STK33: variants seen among roughly 807,000 people sequenced by gnomAD.
The protein encoded by STK33 is serine/threonine kinase 33.
A neutral mutation model predicts 58.0 loss-of-function variants in STK33; 52 were observed. The observed-to-expected ratio is 0.90, with a 90% CI of 0.72 to 1.13. The LOEUF (loss-of-function observed/expected upper bound fraction) is 1.13, where lower values mean the gene tolerates loss of function less well. STK33 is among the 50% of genes most tolerant of loss of function. The pLI is 0.00. For missense variants in STK33, 630 were observed against 604.2 expected (o/e 1.04, Z -0.45); for synonymous variants, 215 against 200.1 (o/e 1.07, Z -0.63).
chr11:8,531,236 T>C (rs994817864), intron 1 of STK33, among the ~76,000 whole-genome samples: 1 of 152,194 alleles, frequency 6.6e-6, no homozygotes, highest in Non-Finnish European at 1.5e-5. Context: ...GAGAAAAATA[T>C]ATAAATGATT....
intron 11 of STK33, among the ~76,000 whole-genome samples, chr11:8,448,370 T>C (rs1945797768): frequency 1.3e-5 from 2 of 152,168 alleles, no homozygotes; most frequent in Non-Finnish European, 2.9e-5. Flanking sequence ...TCACGCTACC[T>C]GACTTCAAAC....
intron 14 of STK33, among the ~76,000 whole-genome samples, chr11:8,428,618 C>T (rs1251110139): frequency 6.6e-6 from 1 of 152,184 alleles, no homozygotes; most frequent in Non-Finnish European, 1.5e-5. Flanking sequence ...AACTGCATGA[C>T]ACTACTATGT....
intron 1 of STK33, among the ~76,000 whole-genome samples, chr11:8,511,898 CATCT>C (rs1264604548): frequency 6.6e-6 from 1 of 152,052 alleles, no homozygotes; most frequent in East Asian, 1.9e-4. Context: ...AAGATTTTTG[CATCT>C]ATCAAAACAG....
In STK33 at chr11:8,407,271, G is replaced by A. The variant is rs192366716; in HGVS notation, c.1344+6224C>T. On this transcript the variant is annotated intron_variant, in intron 15 of 15. Transcript: ENST00000687296. The stretch of plus-strand genomic sequence containing the variant: ...TGCTAATATCATTTGAAATTTTTAC[G>A]TCTATAATTTATGAGAGATATTGGC... 1.1e-3 allele frequency among the ~76,000 whole-genome samples: 173 copies of A among 151,852 alleles called. 2 individuals are homozygous for A. Among genetic ancestry groups the A allele is most frequent in the South Asian group, 0.011 (53 of 4,818 alleles).
chr11:8,470,388 G>T (rs1218990776), intron 6 of STK33, among the ~76,000 whole-genome samples: 1 of 152,158 alleles, frequency 6.6e-6, no homozygotes, highest in African/African-American at 2.4e-5. Context: ...CCTTGCTCTG[G>T]ATTAGGCTTT....
chr11:8,366,304 G>A, the STK33 span, among the ~76,000 whole-genome samples: 50 of 152,310 alleles, frequency 3.3e-4, no homozygotes, highest in Non-Finnish European at 6.8e-4. Context: ...TGCAGCCCAG[G>A]CCCTCTCCTT....
intron 1 of STK33, among the ~76,000 whole-genome samples, chr11:8,573,434 A>G (rs1957960741): frequency 6.6e-6 from 1 of 152,202 alleles, no homozygotes; most frequent in African/African-American, 2.4e-5. Context: ...GCAATACCAA[A>G]TGCTGGTGAT....
intron 1 of STK33, among the ~76,000 whole-genome samples, chr11:8,492,495 A>C (rs1413599341): frequency 6.6e-6 from 1 of 152,142 alleles, no homozygotes; most frequent in African/African-American, 2.4e-5. Flanking sequence ...CACAATAATA[A>C]CAGAAGACTA....
chr11:8,372,215 G>A, the STK33 span, among the ~76,000 whole-genome samples: 2 of 152,190 alleles, frequency 1.3e-5, no homozygotes, highest in South Asian at 4.1e-4. Context: ...AGAGCAGACT[G>A]CCCTATAAGC....
the STK33 span, among the ~76,000 whole-genome samples, chr11:8,343,273 C>A: frequency 6.6e-6 from 1 of 152,248 alleles, no homozygotes; most frequent in African/African-American, 2.4e-5. Flanking sequence ...TGAGTCACAA[C>A]ACATACACCT....
At chr11:8,367,486 A>C in the STK33 span, among the ~76,000 whole-genome samples, 5 of 152,204 alleles carry the variant, frequency 3.3e-5, no homozygotes, top group Non-Finnish European at 2.9e-5. Flanking sequence ...CAGGACTCTA[A>C]GGGTAGATCT....
downstream of STK33, among the ~76,000 whole-genome samples, chr11:8,390,507 G>A (rs1401019823): frequency 6.6e-6 from 1 of 152,134 alleles, no homozygotes; most frequent in Non-Finnish European, 1.5e-5. Flanking sequence ...TGGAAACAAA[G>A]CTCAGACATG....
chr11:8,342,334 G>A, the STK33 span, among the ~76,000 whole-genome samples: 3 of 152,224 alleles, frequency 2.0e-5, no homozygotes, highest in East Asian at 5.8e-4. Flanking sequence ...CTTATGTGAG[G>A]TCTATGTGCC....
intron 1 of STK33, among the ~76,000 whole-genome samples, chr11:8,487,747 A>G (rs182912888): frequency 2.6e-4 from 40 of 152,314 alleles, no homozygotes; most frequent in African/African-American, 8.9e-4. Flanking sequence ...GCTGTGGAAT[A>G]CCATCAGCAA....
At chr11:8,564,501 G>A (rs1957321489) in intron 1 of STK33, among the ~76,000 whole-genome samples, 1 of 152,270 alleles carries the variant, frequency 6.6e-6, no homozygotes, top group Non-Finnish European at 1.5e-5. Flanking sequence ...TCACCCAAGA[G>A]ATAAAAAGAT....
intron 1 of STK33, among the ~76,000 whole-genome samples, chr11:8,526,136 C>T (rs969224326): frequency 5.3e-5 from 8 of 152,092 alleles, no homozygotes; most frequent in African/African-American, 1.4e-4. Flanking sequence ...TGGTGGCTCA[C>T]GCCTGTAATC....
At chr11:8,581,470 C>T (rs2030244214) in intron 1 of STK33, among the ~76,000 whole-genome samples, 1 of 151,990 alleles carries the variant, frequency 6.6e-6, no homozygotes, top group African/African-American at 2.4e-5. Flanking sequence ...GAGAGAGTCA[C>T]CAGGGAATTC....
At chr11:8,348,698 C>T in the STK33 span, among the ~76,000 whole-genome samples, 14 of 152,280 alleles carry the variant, frequency 9.2e-5, no homozygotes, top group African/African-American at 2.9e-4. Context: ...ACTTAGAAAA[C>T]CTTCTCTGTC....
At chr11:8,378,372 G>A in the STK33 span, among the ~76,000 whole-genome samples, 2 of 152,054 alleles carry the variant, frequency 1.3e-5, no homozygotes, top group Non-Finnish European at 2.9e-5. Context: ...CACAAAATTA[G>A]CTGGGCATGG....
Sources: allele counts gnomAD v4.1 joint callset (sites outside exome capture counted in the v4.1 genomes callset), GRCh38; gene constraint gnomAD v4.1.1; transcripts MANE v1.5; gene names NCBI Gene and HGNC (gene_info 2026-07-23, HGNC 2026-07-21).